The following RYR2 variants were observed in gnomAD, a reference collection of about 807,000 sequenced individuals.
RYR2 encodes ryanodine receptor 2.
Under a neutral mutation model 601.1 loss-of-function variants are expected in RYR2, and 227 were observed. The observed-to-expected ratio is 0.38, with a 90% CI of 0.34 to 0.42. The LOEUF (loss-of-function observed/expected upper bound fraction) is 0.42, where lower values mean the gene tolerates loss of function less well. Ranked by LOEUF, RYR2 falls within the 10% of genes least tolerant of loss-of-function variation. The pLI is 1.00. For synonymous variants in RYR2, 2,223 were observed against 2,175.1 expected (o/e 1.02, Z -0.61); for missense variants, 4,646 against 6,156.5 (o/e 0.75, Z 8.21).
intron 39 of RYR2, among the ~76,000 whole-genome samples, chr1:237,625,398 T>C (rs185287485): frequency 1.3e-3 from 202 of 152,242 alleles, no homozygotes; most frequent in African/African-American, 4.7e-3. Context: ...TAAGAGAGTC[T>C]TTTTGGTCTC....
At chr1:237,213,468 G>A (rs1464702956) in intron 1 of RYR2, among the ~76,000 whole-genome samples, 1 of 152,186 alleles carries the variant, frequency 6.6e-6, no homozygotes, top group Non-Finnish European at 1.5e-5. Context: ...GTGAGCCATT[G>A]CGTCTGGCCT....
At chr1:237,193,776 AATATG>A (rs1680267949) in intron 1 of RYR2, among the ~76,000 whole-genome samples, 1 of 152,242 alleles carries the variant, frequency 6.6e-6, no homozygotes, top group Non-Finnish European at 1.5e-5. Context: ...AAGAAGCACA[AATATG>A]ATATAAAACT....
chr1:237,440,614 T>C (rs895607295), intron 12 of RYR2, among the ~76,000 whole-genome samples: 4 of 152,198 alleles, frequency 2.6e-5, no homozygotes, highest in Non-Finnish European at 4.4e-5. Flanking sequence ...AAGCTTGGCA[T>C]AGTAGTCCTT....
chr1:237,403,073 A>T (rs1418335917), intron 10 of RYR2, among the ~76,000 whole-genome samples: 1 of 152,224 alleles, frequency 6.6e-6, no homozygotes, highest in African/African-American at 2.4e-5. Flanking sequence ...GGAAAGATGG[A>T]TGGAGGGAGA....
At chr1:237,049,126 G>A (rs1439158121) in intron 1 of RYR2, among the ~76,000 whole-genome samples, 1 of 152,118 alleles carries the variant, frequency 6.6e-6, no homozygotes, top group African/African-American at 2.4e-5. Flanking sequence ...GGGGACACCC[G>A]GAGAAGGCAA....
intron 17 of RYR2, among the ~76,000 whole-genome samples, chr1:237,476,578 T>C (rs1405198172): frequency 1.3e-5 from 2 of 150,148 alleles, no homozygotes; most frequent in East Asian, 3.9e-4. Context: ...TATCAAAGCT[T>C]CATGCTCATG....
At chr1:237,368,799 G>GTTTA (rs202090317) in intron 5 of RYR2, among the ~76,000 whole-genome samples, 31,212 of 128,912 alleles carry the variant, frequency 0.24, 3,535 homozygotes, top group Admixed American at 0.3. Flanking sequence ...TTGAATCAAC[G>GTTTA]TTTATTTATT....
intron 40 of RYR2, among the ~76,000 whole-genome samples, chr1:237,626,568 CTTTTTCTTTTTCTTTTTTTTTTT>C (rs1679678004): frequency 8.3e-5 from 5 of 60,208 alleles, no homozygotes; most frequent in African/African-American, 2.2e-4. Flanking sequence ...TTTTCTTTTT[CTTTTTCTTTTTCTTTTTTTTTTT>C]TTTTTTTTTT....
intron 1 of RYR2, among the ~76,000 whole-genome samples, chr1:237,248,545 T>A (rs968821703): frequency 1.3e-5 from 2 of 152,084 alleles, no homozygotes; most frequent in African/African-American, 4.8e-5. Context: ...AATATAGACT[T>A]CACACTGTTT....
intron 29 of RYR2, among the ~76,000 whole-genome samples, chr1:237,579,226 G>A (rs1039315688): frequency 6.7e-6 from 1 of 150,032 alleles, no homozygotes; most frequent in Admixed American, 6.7e-5. Context: ...TGCCACGTGA[G>A]GATAATTTAC....
intron 98 of RYR2, chr1:237,802,163 G>C (rs948573259): frequency 6.5e-6 from 2 of 307,554 alleles, no homozygotes; most frequent in Non-Finnish European, 1.2e-5. Context: ...TTGTGAGTAC[G>C]TTCATTAAGG....
rs562468081 is a variant in RYR2 at position 237,167,867 on chromosome 1, T to TAG, written c.49-102629_49-102628dup. Among the ~76,000 whole-genome samples the TAG allele has an allele frequency of 3.6e-3, 546 of 152,138 alleles. 4 individuals carry two copies. The highest frequency in any genetic ancestry group is 0.013 in the African/African-American group (520 of 41,500). On this transcript the variant is annotated intron_variant, in intron 1 of 104. Transcript: ENST00000366574. Reference sequence around the variant, plus strand: ...CCGGCTTTCAGAGTAGCTGGGACAATAGGCACATGCCACTATGCCAGTCCA... The same window carrying TAG: ...CCGGCTTTCAGAGTAGCTGGGACAATAGAGGCACATGCCACTATGCCAGTCCA...
Position 237,548,547 on chromosome 1 carries a change from C to T in RYR2, c.3023C>T (p.Ala1008Val), listed in dbSNP as rs1232224119. 2.5e-6 allele frequency: 4 copies of T among 1,613,898 alleles called. No homozygotes were observed. The highest frequency in any genetic ancestry group is 3.4e-6 in the Non-Finnish European group (4 of 1,179,876). ...KLAENAHNVWARDRIRQGWTY... is the reference protein window; with the variant it reads ...KLAENAHNVWVRDRIRQGWTY... Reference sequence around the variant, plus strand: ...GCAGAAAATGCACATAATGTGTGGGCGCGGGATCGAATCCGGCAGGGCTGG... The same window carrying T: ...GCAGAAAATGCACATAATGTGTGGGTGCGGGATCGAATCCGGCAGGGCTGG... Residue 1008 changes from alanine to valine, a missense_variant, in exon 26 of 105, where the codon GCG (alanine) becomes GTG (valine). Around this residue, in one of 17 missense-constraint regions of RYR2, gnomAD observed 1,807 missense variants for 2,088.1 expected, o/e 0.87. Transcript: ENST00000366574.
chr1:237,445,042 A>G (rs1708209371), intron 13 of RYR2, among the ~76,000 whole-genome samples: 1 of 152,062 alleles, frequency 6.6e-6, no homozygotes, highest in Non-Finnish European at 1.5e-5. Context: ...GCATTTTTTG[A>G]GTAGTTCTTT....
At chr1:237,640,866 C>G (rs949365679) in intron 46 of RYR2, 31 bp from the exon 47 acceptor site, 1 of 1,567,686 alleles carries the variant, frequency 6.4e-7, no homozygotes, top group Admixed American at 1.7e-5. Context: ...ATCCCATTTG[C>G]TTTCTCTTTC....
intron 11 of RYR2, among the ~76,000 whole-genome samples, chr1:237,422,641 C>T (rs1048139193): frequency 7.2e-5 from 11 of 152,118 alleles, no homozygotes; most frequent in South Asian, 2.1e-4. Flanking sequence ...CATACTTAGA[C>T]GTTGACCACA....
chr1:237,349,726 T>A lies in RYR2; in HGVS notation c.274-6239T>A, dbSNP rs2787104. On this transcript the variant is annotated intron_variant, in intron 3 of 104. Coordinates refer to ENST00000366574, the MANE Select transcript of RYR2 (RefSeq NM_001035.3). ...TTAATCACAATGGAAGATTATTAAA[T>A]GTCATGGATGCCCATGCAACCTCTA... 8.7e-3 allele frequency among the ~76,000 whole-genome samples: 1,321 copies of A among 152,296 alleles called. 24 individuals carry two copies. Among genetic ancestry groups the A allele is most frequent in the African/African-American group, 0.03 (1,256 of 41,570 alleles).
chr1:237,492,841 A>AAGGAAGGAAGGC, intron 18 of RYR2, 113 bp from the exon 19 acceptor site: 1 of 1,020,658 alleles, frequency 9.8e-7, no homozygotes, highest in Non-Finnish European at 1.4e-6. Flanking sequence ...GGAAGGAAGG[A>AAGGAAGGAAGGC]AGGAAGGAAG....
chr1:237,783,185 G>C (rs975064999), intron 89 of RYR2, among the ~76,000 whole-genome samples: 2 of 152,074 alleles, frequency 1.3e-5, no homozygotes, highest in Admixed American at 1.3e-4. Flanking sequence ...TAATAATTAA[G>C]TCACAATGGG....
Sources: gnomAD v4.1 joint callset for allele counts (sites outside exome capture counted in the v4.1 genomes callset) on GRCh38, gnomAD v4.1.1 for gene constraint, gnomAD v4.1.1 regional missense constraint, MANE v1.5 for transcripts, NCBI Gene and HGNC (gene_info 2026-07-23, HGNC 2026-07-21) for gene names.